ADARB2: variants seen among roughly 807,000 people sequenced by gnomAD.
ADARB2 encodes adenosine deaminase RNA specific B2 (inactive).
ADARB2 carries 25 observed loss-of-function variants against 62.2 expected under a neutral mutation model. That is an observed-to-expected ratio of 0.40 (90% CI 0.29 to 0.56). ADARB2 has a LOEUF of 0.56. Among genes scored for constraint, ADARB2 ranks in the 20% least tolerant of loss-of-function variants. The probability of loss-of-function intolerance (pLI) is 0.43; values close to 1 mark genes in which losing one functional copy is unlikely to be tolerated. For missense variants in ADARB2, 1,071 were observed against 1,077.4 expected, an observed-to-expected ratio of 0.99 and a Z score of 0.08; for synonymous variants, 572 against 500.8, an observed-to-expected ratio of 1.14 and a Z score of -1.90.
intron 6 of ADARB2, among the ~76,000 whole-genome samples, chr10:1,227,582 T>C (rs2131764394): frequency 6.6e-6 from 1 of 152,348 alleles, no homozygotes; most frequent in East Asian, 1.9e-4. Flanking sequence ...AATGAGGATG[T>C]GCTTTAGAAA....
chr10:1,616,215 C>T (rs1833630741), intron 1 of ADARB2, among the ~76,000 whole-genome samples: 2 of 152,186 alleles, frequency 1.3e-5, no homozygotes, highest in South Asian at 4.1e-4. Flanking sequence ...ATAGAGGGTC[C>T]CAGTGGGAGT....
chr10:1,275,450 A>G (rs545673778), intron 3 of ADARB2, among the ~76,000 whole-genome samples: 17 of 151,984 alleles, frequency 1.1e-4, no homozygotes, highest in Non-Finnish European at 2.1e-4. Context: ...AGGGCAGGGC[A>G]CTTCCTCTCC....
chr10:1,226,219 G>A (rs1830744012), intron 6 of ADARB2, among the ~76,000 whole-genome samples: 1 of 152,136 alleles, frequency 6.6e-6, no homozygotes, highest in African/African-American at 2.4e-5. Flanking sequence ...TGAGGCTTCT[G>A]CATTTGTCAT....
chr10:1,428,738 C>T (rs944062005), intron 1 of ADARB2, among the ~76,000 whole-genome samples: 3 of 151,926 alleles, frequency 2.0e-5, no homozygotes, highest in Admixed American at 1.3e-4. Flanking sequence ...TTGTGGTGAC[C>T]GGATGTTCTG....
intron 7 of ADARB2, among the ~76,000 whole-genome samples, chr10:1,208,800 C>T (rs748561458): frequency 3.3e-5 from 5 of 152,190 alleles, no homozygotes; most frequent in Non-Finnish European, 7.4e-5. Context: ...TGGTTCCTGC[C>T]CTCTGGGAGG....
chr10:1,282,787 C>A (rs1831381499), intron 3 of ADARB2, among the ~76,000 whole-genome samples: 2 of 152,224 alleles, frequency 1.3e-5, no homozygotes, highest in Non-Finnish European at 2.9e-5. Context: ...GGGTTCATTT[C>A]ATCTCCTAGG....
chr10:1,391,766 ATTTTTTTTTTTT>A (rs60956446), intron 1 of ADARB2, among the ~76,000 whole-genome samples: 1,011 of 91,696 alleles, frequency 0.011, 24 homozygotes, highest in African/African-American at 0.041. Context: ...TAAGAATTGG[ATTTTTTTTTTTT>A]TTTTTTTTTT....
At chr10:1,282,566 G>A (rs1350582697) in intron 3 of ADARB2, among the ~76,000 whole-genome samples, 1 of 152,176 alleles carries the variant, frequency 6.6e-6, no homozygotes, top group African/African-American at 2.4e-5. Context: ...TTTAACACTA[G>A]GGATGTTTAA....
intron 6 of ADARB2, among the ~76,000 whole-genome samples, chr10:1,230,485 C>A (rs765667229): frequency 4.6e-5 from 7 of 152,192 alleles, no homozygotes; most frequent in Non-Finnish European, 1.0e-4. Context: ...GTCCAACCCT[C>A]TTTAAAGGGT....
At chr10:1,716,943 G>A (rs192118740) in intron 1 of ADARB2, among the ~76,000 whole-genome samples, 7 of 152,252 alleles carry the variant, frequency 4.6e-5, no homozygotes, top group Admixed American at 3.9e-4. Context: ...GGGATTGGAA[G>A]GGCTAAAGGC....
Position 1,180,961 on chromosome 10 carries a change from C to G in ADARB2, c.*2232G>C, listed in dbSNP as rs1011096951. 6.6e-6 allele frequency: 1 copy of G among 152,238 alleles called. No homozygotes were observed. The highest frequency in any genetic ancestry group is 1.5e-5 in the Non-Finnish European group (1 of 68,060). The allele number at this position is 152,238 out of a possible 1,614,324, so 9.4% of individuals were successfully genotyped here. A position where few individuals can be genotyped will look rare whatever the true frequency, so the allele number is the denominator to read the frequency against. On this transcript the variant is annotated 3_prime_UTR_variant, in exon 10 of 10. Transcript: ENST00000381312. ...TGAGACAAAACGAATCCCAACCCCC[C>G]AGCTGTGGCTTCATGATGCTGGCCA...
chr10:1,381,479 C>T (rs1392799307), intron 1 of ADARB2, among the ~76,000 whole-genome samples: 1 of 152,220 alleles, frequency 6.6e-6, no homozygotes, highest in African/African-American at 2.4e-5. Flanking sequence ...GGGGAACTGG[C>T]AGTTCTGCCT....
At chr10:1,495,942 CCATCAT>C (rs925912142) in intron 1 of ADARB2, among the ~76,000 whole-genome samples, 1 of 150,492 alleles carries the variant, frequency 6.6e-6, no homozygotes, top group Admixed American at 6.6e-5. Flanking sequence ...ATCACCATCA[CCATCAT>C]TATTGTGATC....
At position 1,345,086 on chromosome 10, in the gene ADARB2, C is replaced by T. The variant is rs111806733; in HGVS notation, c.1077+17942G>A. Among the ~76,000 whole-genome samples the T allele has an allele frequency of 1.2e-4, 18 of 152,144 alleles. 2 individuals carry two copies. Among genetic ancestry groups the T allele is most frequent in the East Asian group, 9.7e-4 (5 of 5,158 alleles). Reference sequence around the variant, plus strand: ...CAGGAGGGCACGTGGAGGGAACCGCCGCAGCCTCGGGTGTGAGCCAGGAGG... The same window carrying T: ...CAGGAGGGCACGTGGAGGGAACCGCTGCAGCCTCGGGTGTGAGCCAGGAGG... On this transcript the variant is annotated intron_variant, in intron 3 of 9. Transcript: ENST00000381312.
chr10:1,179,333 A>C lies in ADARB2; in HGVS notation c.*3860T>G, dbSNP rs191666208. On this transcript the variant is annotated 3_prime_UTR_variant, in exon 10 of 10. Coordinates refer to ENST00000381312, the MANE Select transcript of ADARB2 (RefSeq NM_018702.4). ...CAGCTTGATGTTTCTGAGGAACAGG[A>C]CTCATCACAAAGTCAGCATGGTGTG... The C allele has an allele frequency of 7.0e-4, 106 of 152,392 alleles. No individual in the cohort carries two copies. The highest frequency in any genetic ancestry group is 1.4e-3 in the Non-Finnish European group (97 of 68,038). 9.4% of individuals were successfully genotyped at this position (152,392 alleles called of 1,614,324 possible).
At chr10:1,286,015 G>A (rs764278599) in intron 3 of ADARB2, among the ~76,000 whole-genome samples, 11 of 147,698 alleles carry the variant, frequency 7.4e-5, no homozygotes, top group East Asian at 2.0e-4. Context: ...ATCCAGGACC[G>A]TTGCCCCGAG....
intron 1 of ADARB2, among the ~76,000 whole-genome samples, chr10:1,448,841 C>A (rs4265521): frequency 0.83 from 126,335 of 151,860 alleles, 54,219 homozygotes; most frequent in Non-Finnish European, 0.93. Context: ...AGCCATACCC[C>A]CCCAGAAGCC....
At chr10:1,221,499 G>C (rs556757149) in intron 6 of ADARB2, among the ~76,000 whole-genome samples, 2 of 151,618 alleles carry the variant, frequency 1.3e-5, no homozygotes, top group East Asian at 3.9e-4. Flanking sequence ...CATGTGCCAT[G>C]TTGGTGTGCT....
chr10:1,304,687 C>A (rs1450882429), intron 3 of ADARB2, among the ~76,000 whole-genome samples: 3 of 149,512 alleles, frequency 2.0e-5, no homozygotes, highest in Non-Finnish European at 4.5e-5. Context: ...TCTCAGACCA[C>A]AGTGCAATCA....
Sources: gnomAD v4.1 joint callset for allele counts (sites outside exome capture counted in the v4.1 genomes callset) on GRCh38, gnomAD v4.1.1 for gene constraint, MANE v1.5 for transcripts, NCBI Gene and HGNC (gene_info 2026-07-23, HGNC 2026-07-21) for gene names.